NELL1: variants seen among roughly 807,000 people sequenced by gnomAD.
The protein encoded by NELL1 is neural EGFL like 1, also known as protein kinase C-binding protein NELL1.
A neutral mutation model predicts 107.4 loss-of-function variants in NELL1; 76 were observed. The ratio of observed to expected loss-of-function variants is 0.71; its 90% CI spans 0.59 to 0.86. The LOEUF (loss-of-function observed/expected upper bound fraction) is 0.86, where lower values mean the gene tolerates loss of function less well. NELL1 is among the 40% of genes least tolerant of loss of function. NELL1 has a pLI of 0.00. For missense variants in NELL1, 1,024 were observed against 1,005.5 expected, an observed-to-expected ratio of 1.02 and a Z score of -0.25; for synonymous variants, 353 against 341.2, an observed-to-expected ratio of 1.03 and a Z score of -0.38.
chr11:20,904,352 T>C lies in NELL1; in HGVS notation c.604-13830T>C, dbSNP rs112277141. On this transcript the variant is annotated intron_variant, in intron 5 of 19. Coordinates refer to ENST00000357134, the MANE Select transcript of NELL1 (RefSeq NM_006157.5). ...GACAGTTATCCCAATTATCCTGATA[T>C]GATCATTATATATTGTATGCACGTA... Among the ~76,000 whole-genome samples, 662 of 152,298 alleles carry C rather than the reference T, an allele frequency of 4.3e-3. 5 individuals are homozygous for C. Among genetic ancestry groups the C allele is most frequent in the Admixed American group, 9.4e-3 (143 of 15,294 alleles).
intron 3 of NELL1, among the ~76,000 whole-genome samples, chr11:20,804,888 A>G (rs1318168878): frequency 3.3e-5 from 5 of 152,172 alleles, no homozygotes; most frequent in African/African-American, 1.2e-4. Flanking sequence ...CAAGTCTTCA[A>G]TTATTATTTT....
At chr11:21,344,986 G>T (rs1262928081) in intron 14 of NELL1, among the ~76,000 whole-genome samples, 5 of 152,060 alleles carry the variant, frequency 3.3e-5, no homozygotes, top group African/African-American at 1.2e-4. Context: ...TAAACTAACT[G>T]CTTTATTAAA....
At chr11:21,145,181 G>A (rs1013870619) in intron 13 of NELL1, among the ~76,000 whole-genome samples, 10 of 152,106 alleles carry the variant, frequency 6.6e-5, no homozygotes, top group African/African-American at 2.2e-4. Context: ...GCAGTGTTTC[G>A]TATAGAATAT....
chr11:21,375,114 A>G (rs187386648), intron 15 of NELL1, among the ~76,000 whole-genome samples: 3 of 152,072 alleles, frequency 2.0e-5, no homozygotes, highest in Non-Finnish European at 4.4e-5. Context: ...ATACTGCATG[A>G]TGCAATAAAA....
intron 12 of NELL1, among the ~76,000 whole-genome samples, chr11:20,972,768 A>G (rs951472188): frequency 6.6e-6 from 1 of 152,136 alleles, no homozygotes; most frequent in Non-Finnish European, 1.5e-5. Context: ...AGGTGATAAG[A>G]TCCAGTTTGT....
intron 14 of NELL1, among the ~76,000 whole-genome samples, chr11:21,349,486 G>A (rs951841082): frequency 6.6e-6 from 1 of 152,104 alleles, no homozygotes; most frequent in Non-Finnish European, 1.5e-5. Context: ...AAAATTCATG[G>A]TGTTATGGTT....
intron 12 of NELL1, among the ~76,000 whole-genome samples, chr11:21,054,180 T>A (rs1051766092): frequency 8.6e-5 from 13 of 151,824 alleles, no homozygotes; most frequent in Non-Finnish European, 1.6e-4. Context: ...CCTCTCTTTT[T>A]TTCTCTCTCT....
intron 13 of NELL1, among the ~76,000 whole-genome samples, chr11:21,115,828 C>T (rs1855222865): frequency 1.3e-5 from 2 of 152,004 alleles, no homozygotes; most frequent in South Asian, 4.1e-4. Flanking sequence ...AATATACACA[C>T]ACATCATTAT....
intron 15 of NELL1, among the ~76,000 whole-genome samples, chr11:21,474,272 G>C (rs568096644): frequency 8.6e-5 from 13 of 152,044 alleles, no homozygotes; most frequent in African/African-American, 2.7e-4. Flanking sequence ...ATCCCCCAGA[G>C]AGCCCTGTGG....
At chr11:21,142,779 T>A (rs1204529748) in intron 13 of NELL1, among the ~76,000 whole-genome samples, 3 of 152,178 alleles carry the variant, frequency 2.0e-5, no homozygotes, top group Non-Finnish European at 4.4e-5. Context: ...CGTCTTCTCA[T>A]CTGCAAAAGG....
At chr11:21,058,400 A>T (rs1186651051) in intron 12 of NELL1, among the ~76,000 whole-genome samples, 3 of 152,116 alleles carry the variant, frequency 2.0e-5, no homozygotes, top group Non-Finnish European at 4.4e-5. Context: ...AGTGAAACAA[A>T]TGTTTGGTTT....
chr11:21,189,282 G>A (rs373184191), intron 13 of NELL1, among the ~76,000 whole-genome samples: 2 of 151,838 alleles, frequency 1.3e-5, no homozygotes, highest in Non-Finnish European at 2.9e-5. Flanking sequence ...CTTCTGTTAT[G>A]TGCATCTTTA....
chr11:21,342,823 C>G (rs537887924), intron 14 of NELL1, among the ~76,000 whole-genome samples: 282 of 151,972 alleles, frequency 1.9e-3, no homozygotes, highest in African/African-American at 6.6e-3. Flanking sequence ...TCTTCTTTTT[C>G]TTATTACATT....
chr11:20,882,970 C>A (rs1382911905), intron 4 of NELL1, among the ~76,000 whole-genome samples: 1 of 152,166 alleles, frequency 6.6e-6, no homozygotes, highest in Non-Finnish European at 1.5e-5. Context: ...GATGTTTCTT[C>A]ATGATTAGAT....
intron 7 of NELL1, among the ~76,000 whole-genome samples, chr11:20,925,961 A>G (rs1474497869): frequency 6.6e-6 from 1 of 152,198 alleles, no homozygotes; most frequent in Non-Finnish European, 1.5e-5. Flanking sequence ...GTCATTCCCT[A>G]GGTTTATCTA....
chr11:21,419,632 G>C (rs988676607), intron 15 of NELL1, among the ~76,000 whole-genome samples: 5 of 151,368 alleles, frequency 3.3e-5, no homozygotes, highest in African/African-American at 1.2e-4. Flanking sequence ...GTAGCAATTA[G>C]CTTAATGCAC....
At chr11:20,901,093 T>G (rs1849862537) in intron 5 of NELL1, among the ~76,000 whole-genome samples, 1 of 152,122 alleles carries the variant, frequency 6.6e-6, no homozygotes, top group African/African-American at 2.4e-5. Flanking sequence ...AGTGTTTCTA[T>G]TCAACATTGT....
chr11:20,678,086 G>A (rs763331994), intron 2 of NELL1, 26 bp downstream of exon 2: 3 of 1,613,552 alleles, frequency 1.9e-6, no homozygotes, highest in African/African-American at 1.3e-5. Context: ...TTCTTGCATG[G>A]TGGCAGAGGT....
intron 13 of NELL1, among the ~76,000 whole-genome samples, chr11:21,171,344 C>T (rs1390584539): frequency 6.6e-6 from 1 of 151,812 alleles, no homozygotes; most frequent in East Asian, 1.9e-4. Context: ...GAGCAAAATT[C>T]ATCTGTAATC....
Sources: gnomAD v4.1 joint callset for allele counts (sites outside exome capture counted in the v4.1 genomes callset) on GRCh38, gnomAD v4.1.1 for gene constraint, MANE v1.5 for transcripts, NCBI Gene and HGNC (gene_info 2026-07-23, HGNC 2026-07-21) for gene names.